GMDS: variants seen among roughly 807,000 people sequenced by gnomAD.
The protein encoded by GMDS is GDP-mannose 4,6 dehydratase.
Under a neutral mutation model 49.9 loss-of-function variants are expected in GMDS, and 20 were observed. The ratio of observed to expected loss-of-function variants is 0.40; its 90% CI spans 0.28 to 0.58. The LOEUF is 0.58. GMDS is among the 20% of genes least tolerant of loss of function. The probability of loss-of-function intolerance (pLI) is 0.42; values close to 1 mark genes in which losing one functional copy is unlikely to be tolerated. For synonymous variants in GMDS, 177 were observed against 178.6 expected (o/e 0.99, Z 0.07); for missense variants, 362 against 481.4 (o/e 0.75, Z 2.32).
chr6:1,688,179 G>A (rs1217232022), intron 9 of GMDS, among the ~76,000 whole-genome samples: 1 of 152,116 alleles, frequency 6.6e-6, no homozygotes, highest in East Asian at 1.9e-4. Flanking sequence ...ATAAGTTGTG[G>A]GGTGTGAGAG....
At chr6:1,863,987 T>C (rs1443017367) in intron 7 of GMDS, among the ~76,000 whole-genome samples, 1 of 152,184 alleles carries the variant, frequency 6.6e-6, no homozygotes, top group Non-Finnish European at 1.5e-5. Flanking sequence ...AGTGTGGCCA[T>C]TTTCAATTGA....
At chr6:1,714,333 T>A (rs1464034324) in intron 9 of GMDS, among the ~76,000 whole-genome samples, 1 of 151,882 alleles carries the variant, frequency 6.6e-6, no homozygotes, top group Non-Finnish European at 1.5e-5. Context: ...TTTTCAGAAA[T>A]TTAAAAAATG....
chr6:1,708,279 G>C (rs143339800), intron 9 of GMDS, among the ~76,000 whole-genome samples: 1 of 152,234 alleles, frequency 6.6e-6, no homozygotes, highest in African/African-American at 2.4e-5. Context: ...TAACTTTCCC[G>C]ACACTTGAGA....
intron 9 of GMDS, among the ~76,000 whole-genome samples, chr6:1,669,104 G>C (rs952337602): frequency 2.0e-5 from 3 of 152,346 alleles, no homozygotes; most frequent in Non-Finnish European, 4.4e-5. Flanking sequence ...CAAATGTCTT[G>C]CTGCCCTGAT....
chr6:1,882,098 A>G (rs989073896), intron 7 of GMDS, among the ~76,000 whole-genome samples: 13 of 152,230 alleles, frequency 8.5e-5, no homozygotes, highest in Non-Finnish European at 1.8e-4. Context: ...TTCTAAATCA[A>G]TGAAGGAAGG....
chr6:1,692,548 A>G (rs1765210738), intron 9 of GMDS, among the ~76,000 whole-genome samples: 1 of 152,200 alleles, frequency 6.6e-6, no homozygotes, highest in African/African-American at 2.4e-5. Flanking sequence ...ACATTAGGGC[A>G]TTGGAAGTTG....
intron 8 of GMDS, among the ~76,000 whole-genome samples, chr6:1,739,559 C>A (rs757628713): frequency 6.6e-6 from 1 of 152,278 alleles, no homozygotes; most frequent in African/African-American, 2.4e-5. Context: ...CAGGCCAAGG[C>A]CTGGGATCCA....
intron 10 of GMDS, 87 bp downstream of exon 10, chr6:1,624,385 A>T: frequency 7.6e-7 from 1 of 1,310,240 alleles, no homozygotes; most frequent in Non-Finnish European, 1.1e-6. Context: ...TGGGCATCGC[A>T]GGCGCCTCAG....
intron 6 of GMDS, among the ~76,000 whole-genome samples, chr6:1,952,363 T>G (rs1445486227): frequency 6.6e-6 from 1 of 152,186 alleles, no homozygotes; most frequent in Non-Finnish European, 1.5e-5. Flanking sequence ...GTTAAACAAG[T>G]TAGTCAAAAT....
intron 9 of GMDS, among the ~76,000 whole-genome samples, chr6:1,714,399 C>T (rs1022548): frequency 0.042 from 6,137 of 147,424 alleles, 421 homozygotes; most frequent in African/African-American, 0.15. Context: ...TTTGCACTTA[C>T]ATTAAAAAAA....
chr6:2,132,058 C>T (rs74651813), intron 1 of GMDS, among the ~76,000 whole-genome samples: 4,993 of 152,160 alleles, frequency 0.033, 289 homozygotes, highest in African/African-American at 0.11. Context: ...CATAATAACC[C>T]CATGTCATTG....
At chr6:1,738,026 A>G (rs1241958043) in intron 8 of GMDS, among the ~76,000 whole-genome samples, 2 of 10,912 alleles carry the variant, frequency 1.8e-4, no homozygotes, top group African/African-American at 6.8e-4. Context: ...ACACACATAC[A>G]CACACCACAC....
At chr6:2,190,497 T>A (rs1021022687) in intron 1 of GMDS, among the ~76,000 whole-genome samples, 1 of 152,218 alleles carries the variant, frequency 6.6e-6, no homozygotes, top group Non-Finnish European at 1.5e-5. Flanking sequence ...TCACTTCTCA[T>A]GGGGGAAGAA....
In GMDS at chr6:2,221,474, G is replaced by A. The variant is rs183120985; in HGVS notation, c.102+23847C>T. Among the ~76,000 whole-genome samples, 835 of 151,962 alleles carry A rather than the reference G, an allele frequency of 5.5e-3. 2 individuals carry two copies. The highest frequency in any genetic ancestry group is 0.017 in the Middle Eastern group (5 of 292). The stretch of plus-strand genomic sequence containing the variant: ...CGGCTCACTGCAAGCTCCGCCTCCC[G>A]GCCTCCCGGGTTCACACCATTCTCC... On this transcript the variant is annotated intron_variant, in intron 1 of 10. Coordinates refer to ENST00000380815, the MANE Select transcript of GMDS (RefSeq NM_001500.4).
At chr6:2,208,479 C>A (rs971145094) in intron 1 of GMDS, among the ~76,000 whole-genome samples, 1 of 152,186 alleles carries the variant, frequency 6.6e-6, no homozygotes. Flanking sequence ...CCAGTCCATA[C>A]TTTTTACAGT....
chr6:1,706,209 TG>T (rs1476407531), intron 9 of GMDS, among the ~76,000 whole-genome samples: 2 of 152,240 alleles, frequency 1.3e-5, no homozygotes, highest in Non-Finnish European at 2.9e-5. Context: ...TATGATCAGA[TG>T]TGTGCGGTGT....
At chr6:1,860,525 C>G (rs562058354) in intron 7 of GMDS, among the ~76,000 whole-genome samples, 25 of 152,252 alleles carry the variant, frequency 1.6e-4, no homozygotes, top group Non-Finnish European at 8.8e-5. Flanking sequence ...ATGGATTGTT[C>G]TATATCTTGA....
At chr6:1,955,474 A>G (rs2127286955) in intron 6 of GMDS, among the ~76,000 whole-genome samples, 1 of 152,350 alleles carries the variant, frequency 6.6e-6, no homozygotes, top group South Asian at 2.1e-4. Flanking sequence ...ATTTAATTCT[A>G]AAATTCTGTT....
At chr6:1,920,525 C>T (rs1238400774) in intron 7 of GMDS, among the ~76,000 whole-genome samples, 1 of 152,166 alleles carries the variant, frequency 6.6e-6, no homozygotes, top group South Asian at 2.1e-4. Context: ...ATTGCAAATA[C>T]GTTTTGCCCT....
Sources: gnomAD v4.1 joint callset for allele counts (sites outside exome capture counted in the v4.1 genomes callset) on GRCh38, gnomAD v4.1.1 for gene constraint, MANE v1.5 for transcripts, NCBI Gene and HGNC (gene_info 2026-07-23, HGNC 2026-07-21) for gene names.